RNLS: variants seen among roughly 807,000 people sequenced by gnomAD.
RNLS encodes the protein renalase.
A neutral mutation model predicts 39.8 loss-of-function variants in RNLS; 39 were observed. The ratio of observed to expected loss-of-function variants is 0.98; its 90% CI spans 0.76 to 1.28. The LOEUF is 1.28. RNLS is among the 50% of genes most tolerant of loss of function. RNLS has a pLI of 0.00. For missense variants in RNLS, 410 were observed against 413.3 expected (o/e 0.99, Z 0.07); for synonymous variants, 147 against 150.7 (o/e 0.98, Z 0.18).
chr10:88,309,433 C>T, intron 6 of RNLS: 1 of 1,289,820 alleles, frequency 7.8e-7, no homozygotes, highest in Non-Finnish European at 1.0e-6. Flanking sequence ...CGGGTGGTCT[C>T]AAGCTCTTCT....
intron 5 of RNLS, among the ~76,000 whole-genome samples, chr10:88,355,093 G>A (rs1849047470): frequency 6.6e-6 from 1 of 152,106 alleles, no homozygotes; most frequent in Non-Finnish European, 1.5e-5. Flanking sequence ...CTCTGCATTG[G>A]TTATTCTAGT....
chr10:88,545,742 T>C (rs2134306458), intron 4 of RNLS, among the ~76,000 whole-genome samples: 1 of 152,358 alleles, frequency 6.6e-6, no homozygotes, highest in African/African-American at 2.4e-5. Context: ...GTTGACAGTT[T>C]AGTTCTCAGG....
chr10:88,556,640 G>A (rs1484983326), intron 4 of RNLS, among the ~76,000 whole-genome samples: 3 of 152,072 alleles, frequency 2.0e-5, no homozygotes, highest in Admixed American at 6.6e-5. Flanking sequence ...CTGCATGACA[G>A]CCACACTGGC....
intron 5 of RNLS, among the ~76,000 whole-genome samples, chr10:88,329,326 G>A (rs1457257137): frequency 6.6e-6 from 1 of 152,090 alleles, no homozygotes; most frequent in East Asian, 1.9e-4. Flanking sequence ...GTGCTGGGAT[G>A]TAAGTGTGAG....
intron 4 of RNLS, among the ~76,000 whole-genome samples, chr10:88,405,183 A>C (rs1050778217): frequency 6.6e-6 from 1 of 152,046 alleles, no homozygotes; most frequent in Admixed American, 6.6e-5. Flanking sequence ...AGTGATTTAC[A>C]TTCAAATCTC....
At chr10:88,345,346 T>C (rs1347464103) in intron 5 of RNLS, among the ~76,000 whole-genome samples, 1 of 151,994 alleles carries the variant, frequency 6.6e-6, no homozygotes, top group Non-Finnish European at 1.5e-5. Flanking sequence ...GTAGTGTAAA[T>C]TTTTTTTGGA....
intron 4 of RNLS, among the ~76,000 whole-genome samples, chr10:88,491,957 G>GTT (rs1248792392): frequency 2.3e-5 from 3 of 129,396 alleles, no homozygotes; most frequent in Non-Finnish European, 1.6e-5. Context: ...AAAGAGTTTT[G>GTT]TTTTTTTTTT....
intron 4 of RNLS, among the ~76,000 whole-genome samples, chr10:88,365,729 C>T (rs1046135246): frequency 6.6e-6 from 1 of 151,708 alleles, no homozygotes; most frequent in Non-Finnish European, 1.5e-5. Context: ...TCTCCTTGTG[C>T]CAGTGTCTTT....
chr10:88,457,521 C>T lies in RNLS; in HGVS notation c.527-94796G>A, dbSNP rs114586605. On this transcript the variant is annotated intron_variant, in intron 4 of 6. Coordinates refer to ENST00000331772, the MANE Select transcript of RNLS (RefSeq NM_001031709.3). ...GCTGTAGTCCTACATTCATGGTAAA[C>T]CTAACAGATTTTCTGCTGAAAAATG... Among the ~76,000 whole-genome samples the T allele has an allele frequency of 5.1e-3, 780 of 152,288 alleles. 7 individuals carry two copies. The highest frequency in any genetic ancestry group is 0.018 in the African/African-American group (734 of 41,560).
intron 6 of RNLS, among the ~76,000 whole-genome samples, chr10:88,308,666 TTGG>T (rs925651920): frequency 6.6e-6 from 1 of 152,162 alleles, no homozygotes; most frequent in Non-Finnish European, 1.5e-5. Context: ...TTACACATTG[TTGG>T]TGGGATTGTA....
intron 4 of RNLS, among the ~76,000 whole-genome samples, chr10:88,398,912 C>T (rs1852733169): frequency 6.6e-6 from 1 of 151,924 alleles, no homozygotes; most frequent in South Asian, 2.1e-4. Context: ...ATCTAAAATA[C>T]ACAAAGAACT....
At chr10:88,532,023 G>GT (rs1187244005) in intron 4 of RNLS, among the ~76,000 whole-genome samples, 1 of 152,064 alleles carries the variant, frequency 6.6e-6, no homozygotes, top group Non-Finnish European at 1.5e-5. Context: ...GTAAAAGGGA[G>GT]TATCAGCTCA....
At chr10:88,217,759 G>A in the RNLS span, among the ~76,000 whole-genome samples, 1 of 52,158 alleles carries the variant, frequency 1.9e-5, no homozygotes, top group African/African-American at 1.0e-4. Flanking sequence ...AAAAAAGAGG[G>A]CTGGGCGCAG....
chr10:88,447,508 A>C (rs1842108586), intron 4 of RNLS, among the ~76,000 whole-genome samples: 1 of 152,222 alleles, frequency 6.6e-6, no homozygotes, highest in African/African-American at 2.4e-5. Context: ...GAAATAAAAG[A>C]GGACACAAAC....
rs529696517 is a variant in RNLS, at chr10:88,572,649, A to T, written c.526+254T>A. Among the ~76,000 whole-genome samples, 2 of 152,340 alleles carry T rather than the reference A, an allele frequency of 1.3e-5. 1 individual carries two copies. The highest frequency in any genetic ancestry group is 3.9e-4 in the East Asian group (2 of 5,192). ...CTTTAGGCAAAATCATTTCATATCC[A>T]TCAAAAATACTGACGTGTTGAAGAC... On this transcript the variant is annotated intron_variant, in intron 4 of 6. Coordinates refer to ENST00000331772, the MANE Select transcript of RNLS (RefSeq NM_001031709.3).
chr10:88,445,103 GACTA>G (rs1470683414), intron 4 of RNLS, among the ~76,000 whole-genome samples: 5 of 152,156 alleles, frequency 3.3e-5, no homozygotes, highest in African/African-American at 1.2e-4. Flanking sequence ...AAGCCCAACA[GACTA>G]ACAGTGGATC....
At chr10:88,486,799 G>A (rs1363330764) in intron 4 of RNLS, among the ~76,000 whole-genome samples, 1 of 152,168 alleles carries the variant, frequency 6.6e-6, no homozygotes, top group South Asian at 2.1e-4. Flanking sequence ...AGAAGACAGT[G>A]TGGTGATTCC....
intron 5 of RNLS, among the ~76,000 whole-genome samples, chr10:88,346,335 T>C (rs1031542694): frequency 4.6e-5 from 7 of 152,250 alleles, no homozygotes; most frequent in African/African-American, 1.7e-4. Context: ...ACAGTAAAAC[T>C]GTTGCTAAGA....
intron 4 of RNLS, among the ~76,000 whole-genome samples, chr10:88,564,511 A>G (rs563275206): frequency 6.6e-6 from 1 of 152,232 alleles, no homozygotes; most frequent in East Asian, 1.9e-4. Context: ...TCTAATGTTT[A>G]AGGGTCAGGG....
Sources: gnomAD v4.1 joint callset for allele counts (sites outside exome capture counted in the v4.1 genomes callset) on GRCh38, gnomAD v4.1.1 for gene constraint, MANE v1.5 for transcripts, NCBI Gene and HGNC (gene_info 2026-07-23, HGNC 2026-07-21) for gene names.